Variants in GREM2 observed in about 807,000 individuals in gnomAD.
GREM2 encodes gremlin 2, DAN family BMP antagonist, also known as gremlin-2.
GREM2 carries 11 observed loss-of-function variants against 14.2 expected under a neutral mutation model. The observed-to-expected ratio is 0.78, with a 90% CI of 0.49 to 1.28. The LOEUF is 1.28. GREM2 is among the 50% of genes most tolerant of loss of function. The probability of loss-of-function intolerance (pLI) is 0.00; values close to 1 mark genes in which losing one functional copy is unlikely to be tolerated. For missense variants in GREM2, 210 were observed against 218.5 expected, an observed-to-expected ratio of 0.96 and a Z score of 0.24; for synonymous variants, 98 against 97.6, an observed-to-expected ratio of 1.00 and a Z score of -0.02.
chr1:240,514,288 C>T (rs1365210249), intron 1 of GREM2, among the ~76,000 whole-genome samples: 1 of 118,282 alleles, frequency 8.5e-6, no homozygotes, highest in East Asian at 2.4e-4. Flanking sequence ...GAAATAAAAA[C>T]AACGTGTCAC....
chr1:240,497,707 C>T (rs916085974), intron 1 of GREM2, among the ~76,000 whole-genome samples: 1 of 151,258 alleles, frequency 6.6e-6, no homozygotes, highest in Non-Finnish European at 1.5e-5. Flanking sequence ...ATTTTAACGC[C>T]TCATTTTTAA....
chr1:240,564,634 G>C (rs937644437), intron 1 of GREM2, among the ~76,000 whole-genome samples: 1 of 152,080 alleles, frequency 6.6e-6, no homozygotes, highest in Non-Finnish European at 1.5e-5. Flanking sequence ...TCATAGGTGG[G>C]GTTAGGAGAA....
intron 1 of GREM2, among the ~76,000 whole-genome samples, chr1:240,557,756 T>C (rs1678977220): frequency 7.1e-6 from 1 of 140,242 alleles, no homozygotes; most frequent in African/African-American, 2.6e-5. Context: ...AGAGGGTGAG[T>C]CCTGGTGAAG....
intron 1 of GREM2, among the ~76,000 whole-genome samples, chr1:240,586,599 A>T (rs1486935530): frequency 1.3e-5 from 2 of 152,208 alleles, no homozygotes; most frequent in South Asian, 4.1e-4. Flanking sequence ...GAGGAGAGAC[A>T]CATGAACCAG....
rs61832588 is a variant in GREM2, at chr1:240,509,503, T to G, written c.-1-16027A>C. On this transcript the variant is annotated intron_variant, in intron 1 of 1. Transcript: ENST00000318160. ...CCTGCCTCAGCCTCCCGAGTAGCTGTGATTACAGGCATGCACCAACAAGCC... is the reference window on the plus strand; with the variant it reads ...CCTGCCTCAGCCTCCCGAGTAGCTGGGATTACAGGCATGCACCAACAAGCC... Among the ~76,000 whole-genome samples the G allele has an allele frequency of 0.14, 21,904 of 151,698 alleles. 1,905 individuals are homozygous for G. Among genetic ancestry groups the G allele is most frequent in the African/African-American group, 0.24 (9,810 of 41,318 alleles).
intron 1 of GREM2, among the ~76,000 whole-genome samples, chr1:240,496,836 C>T (rs1572362665): frequency 6.6e-6 from 1 of 152,032 alleles, no homozygotes; most frequent in East Asian, 1.9e-4. Context: ...ATGGTGAAAC[C>T]CCGTCTCTAC....
chr1:240,519,439 G>A (rs531839584), intron 1 of GREM2, among the ~76,000 whole-genome samples: 7 of 147,144 alleles, frequency 4.8e-5, no homozygotes, highest in Non-Finnish European at 1.0e-4. Flanking sequence ...TATAACCACC[G>A]TTTTCCAAAA....
intron 1 of GREM2, among the ~76,000 whole-genome samples, chr1:240,592,500 T>C (rs1679732747): frequency 2.0e-5 from 3 of 152,332 alleles, no homozygotes; most frequent in Middle Eastern, 6.8e-3. Flanking sequence ...TGATATCCTC[T>C]GACAAATAAG....
At chr1:240,569,464 A>G (rs1339119136) in intron 1 of GREM2, among the ~76,000 whole-genome samples, 2 of 152,236 alleles carry the variant, frequency 1.3e-5, no homozygotes, top group East Asian at 1.9e-4. Context: ...AGGCTACTAT[A>G]ATCAAGAAAG....
chr1:240,530,204 C>A (rs1472810586), intron 1 of GREM2, among the ~76,000 whole-genome samples: 1 of 152,112 alleles, frequency 6.6e-6, no homozygotes, highest in Non-Finnish European at 1.5e-5. Flanking sequence ...ACAGAAGCCC[C>A]TTTTCTGGAA....
intron 1 of GREM2, among the ~76,000 whole-genome samples, chr1:240,555,973 T>C (rs941792092): frequency 1.3e-5 from 2 of 152,188 alleles, no homozygotes; most frequent in East Asian, 3.9e-4. Flanking sequence ...ATGACAAAAA[T>C]TAGCTTTCCA....
chr1:240,609,825 A>C (rs2102877206), intron 1 of GREM2, among the ~76,000 whole-genome samples: 1 of 152,328 alleles, frequency 6.6e-6, no homozygotes, highest in Admixed American at 6.5e-5. Flanking sequence ...CCTTTGCATT[A>C]GAAAAAGAGA....
rs1016353248 is a variant in GREM2 at position 240,492,980 on chromosome 1, C to G, written c.496G>C (p.Asp166His). The change falls in exon 2 of 2, where the codon GAC becomes CAC. Residue 166 changes from aspartate to histidine, a missense_variant. Physicochemically the swap from Asp to His is moderately conservative, Grantham distance 81 (BLOSUM62 -1). Coordinates refer to ENST00000318160, the MANE Select transcript of GREM2 (RefSeq NM_022469.4). ...GTCCGGCCCGGCGCTCACTGCTTGT[C>G]CGAGTCGCTCAGGTTCACGGACATG... ...RCMSVNLSDS[D>H]KQ 11 of 1,541,978 alleles carry G rather than the reference C, an allele frequency of 7.1e-6. No individual in the cohort carries two copies. The highest frequency in any genetic ancestry group is 1.2e-5 in the South Asian group (1 of 80,620).
At chr1:240,584,020 T>G (rs1299380087) in intron 1 of GREM2, among the ~76,000 whole-genome samples, 2 of 152,208 alleles carry the variant, frequency 1.3e-5, no homozygotes, top group Non-Finnish European at 2.9e-5. Context: ...TGATAAGAAC[T>G]GTAGGGTTTA....
At chr1:240,519,438 C>T (rs1009532250) in intron 1 of GREM2, among the ~76,000 whole-genome samples, 6 of 151,758 alleles carry the variant, frequency 4.0e-5, no homozygotes, top group Non-Finnish European at 7.4e-5. Flanking sequence ...TTATAACCAC[C>T]GTTTTCCAAA....
At chr1:240,503,503 T>C (rs1193448247) in intron 1 of GREM2, among the ~76,000 whole-genome samples, 1 of 152,198 alleles carries the variant, frequency 6.6e-6, no homozygotes, top group East Asian at 1.9e-4. Context: ...CCTTTAAAGA[T>C]TTCTCGTCAC....
intron 1 of GREM2, among the ~76,000 whole-genome samples, chr1:240,593,217 C>T (rs1262104949): frequency 6.6e-6 from 1 of 152,118 alleles, no homozygotes. Context: ...AATGTCATCT[C>T]CTTTGTAAAG....
intron 1 of GREM2, among the ~76,000 whole-genome samples, chr1:240,607,914 G>A (rs959178363): frequency 6.6e-6 from 1 of 152,180 alleles, no homozygotes; most frequent in African/African-American, 2.4e-5. Flanking sequence ...ATAAACACAA[G>A]AATGTATGTG....
chr1:240,586,293 C>A (rs1023218398), intron 1 of GREM2, among the ~76,000 whole-genome samples: 3 of 152,150 alleles, frequency 2.0e-5, no homozygotes, highest in African/African-American at 7.2e-5. Flanking sequence ...CCATTACTAG[C>A]AAAAGTACAA....
Sources: allele counts gnomAD v4.1 joint callset (sites outside exome capture counted in the v4.1 genomes callset), GRCh38; gene constraint gnomAD v4.1.1; transcripts MANE v1.5; gene names NCBI Gene and HGNC (gene_info 2026-07-23, HGNC 2026-07-21).